The following ARHGEF3 variants were observed in gnomAD, a reference collection of about 807,000 sequenced individuals.
The protein encoded by ARHGEF3 is 59.8 kDA protein.
ARHGEF3 carries 28 observed loss-of-function variants against 63.2 expected under a neutral mutation model. The observed-to-expected ratio is 0.44, with a 90% CI of 0.33 to 0.61. The LOEUF (loss-of-function observed/expected upper bound fraction) is 0.61, where lower values mean the gene tolerates loss of function less well. Ranked by LOEUF, ARHGEF3 falls within the 20% of genes least tolerant of loss-of-function variation. The pLI is 0.03. For synonymous variants in ARHGEF3, 266 were observed against 254.2 expected (o/e 1.05, Z -0.44); for missense variants, 533 against 659.3 (o/e 0.81, Z 2.10).
chr3:56,733,005 C>T (rs1311093422), intron 8 of ARHGEF3, among the ~76,000 whole-genome samples: 3 of 151,922 alleles, frequency 2.0e-5, no homozygotes, highest in Admixed American at 1.3e-4. Context: ...AAAACTAGGC[C>T]GGATGCAGTG....
intron 7 of ARHGEF3, 136 bp downstream of exon 7, chr3:56,745,069 T>C (rs2034292936): frequency 2.7e-6 from 3 of 1,112,514 alleles, no homozygotes; most frequent in Non-Finnish European, 2.6e-6. Context: ...ACATGGTTGA[T>C]GGCAGTGCCA....
intron 1 of ARHGEF3, among the ~76,000 whole-genome samples, chr3:57,050,995 C>T (rs150803025): frequency 6.6e-6 from 1 of 152,278 alleles, no homozygotes; most frequent in African/African-American, 2.4e-5. Flanking sequence ...CTTTTCCAAC[C>T]CTTGGTGCTG....
At chr3:56,992,198 C>G (rs928950773) in intron 2 of ARHGEF3, among the ~76,000 whole-genome samples, 30 of 151,474 alleles carry the variant, frequency 2.0e-4, no homozygotes, top group African/African-American at 7.0e-4. Flanking sequence ...TGCTAGTTCG[C>G]TCATTAATGA....
chr3:56,920,132 A>T (rs2108361663), intron 3 of ARHGEF3, among the ~76,000 whole-genome samples: 1 of 152,338 alleles, frequency 6.6e-6, no homozygotes, highest in East Asian at 1.9e-4. Context: ...GGGGGAAAAA[A>T]ACCTACAAAA....
At chr3:57,066,380 G>T (rs762053681) in intron 1 of ARHGEF3, among the ~76,000 whole-genome samples, 2 of 151,870 alleles carry the variant, frequency 1.3e-5, no homozygotes, top group African/African-American at 4.8e-5. Flanking sequence ...ACCTGCCTCA[G>T]CCTCCCAAGT....
intron 2 of ARHGEF3, among the ~76,000 whole-genome samples, chr3:57,010,734 G>A (rs1489318559): frequency 1.3e-5 from 2 of 152,150 alleles, no homozygotes; most frequent in Non-Finnish European, 2.9e-5. Flanking sequence ...CCACCATGGA[G>A]AACCAAGGAC....
intron 3 of ARHGEF3, among the ~76,000 whole-genome samples, chr3:56,956,886 A>G (rs1700067500): frequency 6.6e-6 from 1 of 152,218 alleles, no homozygotes; most frequent in African/African-American, 2.4e-5. Flanking sequence ...AGTGCATACA[A>G]TCTACTTGGT....
At position 56,993,924 on chromosome 3, in the gene ARHGEF3, C is replaced by T. The variant is rs528534851; in HGVS notation, c.63-35035G>A. ...CTAAATATACAAAAAATTAGCCGGG[C>T]GTGGTGATGGGTGCCTGTAATCCCA... On this transcript the variant is annotated intron_variant, in intron 2 of 12. Coordinates refer to the ARHGEF3 transcript ENST00000338458. 1.5e-3 allele frequency among the ~76,000 whole-genome samples: 221 copies of T among 150,886 alleles called. 2 individuals are homozygous for T. Among genetic ancestry groups the T allele is most frequent in the South Asian group, 0.01 (50 of 4,770 alleles).
At chr3:56,758,016 G>A (rs1366153779) in intron 2 of ARHGEF3, among the ~76,000 whole-genome samples, 212 of 150,882 alleles carry the variant, frequency 1.4e-3, no homozygotes, top group African/African-American at 4.9e-3. Flanking sequence ...GGTGGCTCAC[G>A]CCTGTAATCC....
At chr3:56,754,439 A>G (rs2034945060) in intron 3 of ARHGEF3, among the ~76,000 whole-genome samples, 1 of 152,148 alleles carries the variant, frequency 6.6e-6, no homozygotes, top group African/African-American at 2.4e-5. Context: ...TGGAGGCACA[A>G]CCCTGAGCTG....
At chr3:56,930,107 G>A (rs1427850554) in intron 3 of ARHGEF3, among the ~76,000 whole-genome samples, 1 of 152,032 alleles carries the variant, frequency 6.6e-6, no homozygotes, top group Admixed American at 6.6e-5. Context: ...AGTCACAGTT[G>A]CACCTTCCCA....
At chr3:56,934,544 G>A (rs531919452) in intron 3 of ARHGEF3, among the ~76,000 whole-genome samples, 253 of 152,332 alleles carry the variant, frequency 1.7e-3, no homozygotes, top group African/African-American at 5.3e-3. Flanking sequence ...TGGGCTTGGC[G>A]GCCCCCGCAC....
intron 4 of ARHGEF3, among the ~76,000 whole-genome samples, chr3:56,873,016 G>A (rs528670436): frequency 1.5e-4 from 22 of 151,716 alleles, no homozygotes; most frequent in Non-Finnish European, 2.9e-4. Context: ...GTTTTTAAAT[G>A]AAGACAGGAT....
At chr3:57,007,577 T>G (rs1331365183) in intron 2 of ARHGEF3, among the ~76,000 whole-genome samples, 1 of 152,170 alleles carries the variant, frequency 6.6e-6, no homozygotes, top group Non-Finnish European at 1.5e-5. Context: ...AGGCCATGCC[T>G]GCAGTGTTGC....
chr3:56,889,117 C>T (rs2041026643), intron 3 of ARHGEF3, among the ~76,000 whole-genome samples: 1 of 152,008 alleles, frequency 6.6e-6, no homozygotes. Context: ...TTTCGACCCA[C>T]TTTCACAAAC....
chr3:56,857,091 A>G (rs1386424197), intron 4 of ARHGEF3, among the ~76,000 whole-genome samples: 2 of 152,204 alleles, frequency 1.3e-5, no homozygotes, highest in African/African-American at 4.8e-5. Flanking sequence ...TCTAGAAGAA[A>G]AAAAGCCCTA....
intron 2 of ARHGEF3, among the ~76,000 whole-genome samples, chr3:56,765,752 TAA>T (rs1279036058): frequency 3.9e-5 from 6 of 152,152 alleles, no homozygotes; most frequent in African/African-American, 1.4e-4. Flanking sequence ...AGGCCATTGC[TAA>T]ACTCTCTCTG....
chr3:57,064,974 CA>C (rs1304699993), intron 1 of ARHGEF3, among the ~76,000 whole-genome samples: 45 of 152,172 alleles, frequency 3.0e-4, no homozygotes, highest in African/African-American at 1.1e-3. Context: ...CAATAGAAGG[CA>C]AAAAATTAGT....
At chr3:56,841,266 C>T (rs1414496763) in intron 4 of ARHGEF3, among the ~76,000 whole-genome samples, 1 of 152,162 alleles carries the variant, frequency 6.6e-6, no homozygotes, top group Non-Finnish European at 1.5e-5. Flanking sequence ...TTGAGTCAAC[C>T]ACCAGCTAGT....
Sources: gnomAD v4.1 joint callset for allele counts (sites outside exome capture counted in the v4.1 genomes callset) on GRCh38, gnomAD v4.1.1 for gene constraint, MANE v1.5 for transcripts, NCBI Gene and HGNC (gene_info 2026-07-23, HGNC 2026-07-21) for gene names.